DNAH7: variants seen among roughly 807,000 people sequenced by gnomAD.
The protein encoded by DNAH7 is dynein axonemal heavy chain 7.
DNAH7 carries 397 observed loss-of-function variants against 444.6 expected under a neutral mutation model. The observed-to-expected ratio is 0.89, with a 90% CI of 0.82 to 0.97. The LOEUF (loss-of-function observed/expected upper bound fraction) is 0.97, where lower values mean the gene tolerates loss of function less well. Among genes scored for constraint, DNAH7 ranks in the 50% least tolerant of loss-of-function variants. The probability of loss-of-function intolerance (pLI) is 0.00; values close to 1 mark genes in which losing one functional copy is unlikely to be tolerated. For missense variants in DNAH7, 4,902 were observed against 4,800.8 expected (o/e 1.02, Z -0.62); for synonymous variants, 1,636 against 1,624.4 (o/e 1.01, Z -0.17).
intron 61 of DNAH7, among the ~76,000 whole-genome samples, chr2:195,767,336 A>G (rs1466357574): frequency 6.6e-6 from 1 of 151,992 alleles, no homozygotes; most frequent in Non-Finnish European, 1.5e-5. Flanking sequence ...CTTGTTTTAT[A>G]GTTTTTATAT....
Position 195,990,807 on chromosome 2 carries a change from GTGTGTA to G in DNAH7, c.1354-2584_1354-2579del, listed in dbSNP as rs1170378365. 1.2e-3 allele frequency among the ~76,000 whole-genome samples: 162 copies of G among 135,804 alleles called. 2 individuals carry two copies. Among genetic ancestry groups the G allele is most frequent in the Middle Eastern group, 7.8e-3 (2 of 258 alleles). The allele number at this position is 135,804 out of a possible 152,430, so 89.1% of individuals were successfully genotyped here. A position where few individuals can be genotyped will look rare whatever the true frequency, so the allele number is the denominator to read the frequency against. On this transcript the variant is annotated intron_variant, in intron 12 of 64. Transcript: ENST00000312428. ...TGTGTGTGTGTGTGTGTGTGTGTGT[GTGTGTA>G]TATATATATACTTAAATATATATAC...
At chr2:195,949,396 G>A (rs142947952) in intron 19 of DNAH7, among the ~76,000 whole-genome samples, 1 of 152,198 alleles carries the variant, frequency 6.6e-6, no homozygotes, top group East Asian at 1.9e-4. Flanking sequence ...CAATTCTCCT[G>A]TCTTCGCTTC....
chr2:195,810,639 T>TTC (rs1553522801), intron 51 of DNAH7, among the ~76,000 whole-genome samples: 8 of 151,720 alleles, frequency 5.3e-5, no homozygotes, highest in Admixed American at 6.6e-5. Context: ...TTTTTTTTTT[T>TTC]CCCACTTTTC....
At chr2:195,770,452 C>A (rs1441147372) in intron 61 of DNAH7, among the ~76,000 whole-genome samples, 3 of 152,172 alleles carry the variant, frequency 2.0e-5, no homozygotes, top group Admixed American at 1.3e-4. Flanking sequence ...GCTCACTCCA[C>A]TCTAGCCAAT....
intron 21 of DNAH7, among the ~76,000 whole-genome samples, chr2:195,928,588 G>A (rs778095888): frequency 7.2e-5 from 11 of 152,046 alleles, no homozygotes; most frequent in Non-Finnish European, 1.2e-4. Flanking sequence ...GACATGGGCC[G>A]TTATCACACA....
rs1449624593 is a variant in DNAH7, at chr2:195,737,812, T to C, written c.*109A>G. On this transcript the variant is annotated 3_prime_UTR_variant, in exon 65 of 65. Transcript: ENST00000312428. ...CATAAGTAAATTCATAATTATAACT[T>C]TAGTCAAATGTATTTAAACAAACAA... The C allele has an allele frequency of 1.1e-6, 1 of 917,784 alleles. No individual in the cohort carries two copies. The highest frequency in any genetic ancestry group is 1.7e-5 in the African/African-American group (1 of 59,498). 56.9% of individuals were successfully genotyped at this position (917,784 alleles called of 1,614,324 possible).
intron 15 of DNAH7, among the ~76,000 whole-genome samples, chr2:195,973,892 T>C (rs1030287594): frequency 6.6e-6 from 1 of 151,988 alleles, no homozygotes; most frequent in Non-Finnish European, 1.5e-5. Flanking sequence ...GTTCAAAACA[T>C]GGTGAAACCC....
chr2:195,825,863 T>C (rs1387642768), intron 48 of DNAH7, among the ~76,000 whole-genome samples: 7 of 152,172 alleles, frequency 4.6e-5, no homozygotes, highest in Non-Finnish European at 5.9e-5. Context: ...ATTTTCTCCT[T>C]CCCACAGGTT....
chr2:195,908,810 T>C (rs1687191184), intron 25 of DNAH7, among the ~76,000 whole-genome samples: 1 of 152,174 alleles, frequency 6.6e-6, no homozygotes, highest in Admixed American at 6.5e-5. Flanking sequence ...ATTTTATTAA[T>C]TATAATTTTG....
chr2:195,900,531 T>C (rs752316343), intron 27 of DNAH7, 37 bp from the exon 28 acceptor site: 4 of 1,580,698 alleles, frequency 2.5e-6, no homozygotes, highest in African/African-American at 2.7e-5. Context: ...AAAAGGATCA[T>C]CATAAAATAA....
chr2:195,918,519 C>T (rs559664002), intron 24 of DNAH7, among the ~76,000 whole-genome samples: 1 of 152,264 alleles, frequency 6.6e-6, no homozygotes, highest in East Asian at 1.9e-4. Flanking sequence ...TTGGAAGCAA[C>T]CAAGATGTCC....
intron 61 of DNAH7, among the ~76,000 whole-genome samples, chr2:195,761,799 T>C (rs987577059): frequency 6.6e-6 from 1 of 152,164 alleles, no homozygotes; most frequent in Non-Finnish European, 1.5e-5. Flanking sequence ...CTGAGGGATT[T>C]CATCCACACC....
In DNAH7 at chr2:195,970,066, A is replaced by C; in HGVS notation, c.2087T>G (p.Leu696Trp). Residue 696 changes from leucine (L) to tryptophan (W), a missense_variant, in exon 17 of 65, where the codon TTG becomes TGG. Coordinates refer to ENST00000312428, the MANE Select transcript of DNAH7 (RefSeq NM_018897.3). ...TTCTGATTGCTTAGCATAACTCTCC[A>C]ATTCCTCCACAAACCGTTCACACCG... Reference protein sequence around the residue: ...KLRCERFVEELESYAKQSEEF... With the variant: ...KLRCERFVEEWESYAKQSEEF... 6.2e-7 allele frequency: 1 copy of C among 1,611,998 alleles called. No homozygotes were observed.
chr2:195,931,261 G>A (rs1268699797), intron 21 of DNAH7, among the ~76,000 whole-genome samples: 1 of 151,916 alleles, frequency 6.6e-6, no homozygotes, highest in Non-Finnish European at 1.5e-5. Context: ...TTCCCCACTT[G>A]TTGATGGGGT....
intron 5 of DNAH7, among the ~76,000 whole-genome samples, chr2:196,039,927 A>G (rs1006626316): frequency 6.6e-6 from 1 of 152,144 alleles, no homozygotes; most frequent in Admixed American, 6.5e-5. Flanking sequence ...CAATAAATTC[A>G]AAAACCCAGA....
At chr2:195,863,097 T>C (rs1000741651) in intron 41 of DNAH7, among the ~76,000 whole-genome samples, 2 of 152,212 alleles carry the variant, frequency 1.3e-5, no homozygotes, top group African/African-American at 2.4e-5. Flanking sequence ...CTGATGAAAT[T>C]GTGTTTTGCT....
At chr2:196,064,149 T>C (rs949694656) in intron 1 of DNAH7, among the ~76,000 whole-genome samples, 1 of 152,016 alleles carries the variant, frequency 6.6e-6, no homozygotes, top group Non-Finnish European at 1.5e-5. Flanking sequence ...ATCCCATCTG[T>C]ACCAAAAATA....
chr2:195,959,731 C>T (rs1452852045), intron 18 of DNAH7, among the ~76,000 whole-genome samples: 8 of 152,138 alleles, frequency 5.3e-5, no homozygotes, highest in Non-Finnish European at 1.0e-4. Flanking sequence ...CTTTAATTGG[C>T]TGTGTATGAT....
At chr2:195,950,964 T>C (rs1217729597) in intron 19 of DNAH7, among the ~76,000 whole-genome samples, 1 of 151,908 alleles carries the variant, frequency 6.6e-6, no homozygotes, top group Non-Finnish European at 1.5e-5. Flanking sequence ...AAGTTATTTC[T>C]TGTCTTCTGC....
Sources: gnomAD v4.1 joint callset for allele counts (sites outside exome capture counted in the v4.1 genomes callset) on GRCh38, gnomAD v4.1.1 for gene constraint, MANE v1.5 for transcripts, NCBI Gene and HGNC (gene_info 2026-07-23, HGNC 2026-07-21) for gene names.